The following SNTG1 variants were observed in gnomAD, a reference collection of about 807,000 sequenced individuals.
SNTG1 encodes syntrophin gamma 1.
A neutral mutation model predicts 74.7 loss-of-function variants in SNTG1; 39 were observed. The ratio of observed to expected loss-of-function variants is 0.52; its 90% CI spans 0.40 to 0.68. The LOEUF (loss-of-function observed/expected upper bound fraction) is 0.68, where lower values mean the gene tolerates loss of function less well. SNTG1 is among the 30% of genes least tolerant of loss of function. The probability of loss-of-function intolerance (pLI) is 0.00; values close to 1 mark genes in which losing one functional copy is unlikely to be tolerated. For synonymous variants in SNTG1, 254 were observed against 217.1 expected, an observed-to-expected ratio of 1.17 and a Z score of -1.49; for missense variants, 685 against 609.5, an observed-to-expected ratio of 1.12 and a Z score of -1.30.
intron 18 of SNTG1, among the ~76,000 whole-genome samples, chr8:50,763,636 A>T (rs570754250): frequency 3.6e-5 from 5 of 139,666 alleles, no homozygotes; most frequent in African/African-American, 1.1e-4. Flanking sequence ...TTTTGGCTCA[A>T]GATTGCCTTT....
intron 15 of SNTG1, 143 bp from the exon 16 acceptor site, chr8:50,704,457 T>A (rs1332825375): frequency 1.0e-5 from 10 of 977,432 alleles, no homozygotes; most frequent in Non-Finnish European, 1.6e-5. Flanking sequence ...GGAGTTCTGG[T>A]ATAATGTCTA....
At chr8:50,060,612 G>A (rs1354336857) in intron 1 of SNTG1, among the ~76,000 whole-genome samples, 4 of 151,850 alleles carry the variant, frequency 2.6e-5, no homozygotes, top group South Asian at 2.1e-4. Context: ...GAATCAAAGC[G>A]GTGACAGCAG....
chr8:50,180,750 C>CTTTTTTTTTTT (rs60630226), intron 2 of SNTG1, among the ~76,000 whole-genome samples: 1 of 80,648 alleles, frequency 1.2e-5, no homozygotes, highest in African/African-American at 6.4e-5. Context: ...ATTGTGAAGC[C>CTTTTTTTTTTT]TTTTTTTTTT....
chr8:49,937,255 A>G (rs1808171263), intron 1 of SNTG1, among the ~76,000 whole-genome samples: 1 of 152,172 alleles, frequency 6.6e-6, no homozygotes, highest in African/African-American at 2.4e-5. Flanking sequence ...ATTACATAAA[A>G]TTCTAGAAAA....
intron 2 of SNTG1, among the ~76,000 whole-genome samples, chr8:50,184,481 A>G (rs1489025495): frequency 1.3e-5 from 2 of 152,280 alleles, no homozygotes; most frequent in East Asian, 3.9e-4. Flanking sequence ...TAAAATTAAA[A>G]ATAAAATTCC....
At chr8:50,755,785 A>C (rs2095578851) in intron 18 of SNTG1, among the ~76,000 whole-genome samples, 1 of 151,836 alleles carries the variant, frequency 6.6e-6, no homozygotes, top group African/African-American at 2.4e-5. Context: ...CATGTTCTGG[A>C]TTTGGACCAT....
chr8:50,208,013 A>T (rs2084328759), intron 2 of SNTG1, among the ~76,000 whole-genome samples: 2 of 152,218 alleles, frequency 1.3e-5, no homozygotes, highest in South Asian at 4.1e-4. Flanking sequence ...AAATAAGTGA[A>T]ATATGGTGTT....
chr8:50,510,584 A>T (rs1273885151), intron 9 of SNTG1, among the ~76,000 whole-genome samples: 1 of 152,162 alleles, frequency 6.6e-6, no homozygotes, highest in Admixed American at 6.6e-5. Context: ...TTATTGCCAC[A>T]ATTTCAGAGC....
At chr8:50,048,708 T>A (rs554170460) in intron 1 of SNTG1, among the ~76,000 whole-genome samples, 4 of 152,294 alleles carry the variant, frequency 2.6e-5, no homozygotes, top group Non-Finnish European at 5.9e-5. Flanking sequence ...TACTAATTAG[T>A]AAATTATGGC....
At chr8:50,676,270 G>A (rs1240302160) in intron 15 of SNTG1, among the ~76,000 whole-genome samples, 1 of 151,360 alleles carries the variant, frequency 6.6e-6, no homozygotes, top group Non-Finnish European at 1.5e-5. Flanking sequence ...AGGTACTCCA[G>A]GTTTGGACTT....
intron 1 of SNTG1, among the ~76,000 whole-genome samples, chr8:49,976,999 G>T (rs1812254243): frequency 6.6e-6 from 1 of 151,942 alleles, no homozygotes; most frequent in Admixed American, 6.6e-5. Context: ...GTGCTTGTGA[G>T]AAAAAAATGG....
chr8:50,746,066 A>C (rs2131679552), intron 17 of SNTG1, among the ~76,000 whole-genome samples: 1 of 152,082 alleles, frequency 6.6e-6, no homozygotes, highest in East Asian at 1.9e-4. Context: ...GAAAATGTGA[A>C]TGTTCTTTTT....
rs58997754 is a variant in SNTG1 at position 50,070,123 on chromosome 8, A to G, written c.-102-102438A>G. Among the ~76,000 whole-genome samples, 1,274 of 152,314 alleles carry G rather than the reference A, an allele frequency of 8.4e-3. 26 individuals carry two copies. The highest frequency in any genetic ancestry group is 0.029 in the African/African-American group (1,203 of 41,558). On this transcript the variant is annotated intron_variant, in intron 1 of 18. Transcript: ENST00000642720. Reference sequence around the variant, plus strand: ...AAAAATATAATCATTACAATAGTTAATAAGGTATTTTAATGCAAATCAATC... The same window carrying G: ...AAAAATATAATCATTACAATAGTTAGTAAGGTATTTTAATGCAAATCAATC...
At chr8:50,067,504 T>C (rs1408566754) in intron 1 of SNTG1, among the ~76,000 whole-genome samples, 2 of 152,224 alleles carry the variant, frequency 1.3e-5, no homozygotes, top group African/African-American at 4.8e-5. Context: ...AGTGTGAAAT[T>C]AATCGGTTTC....
chr8:50,686,083 G>A (rs576938340), intron 15 of SNTG1, among the ~76,000 whole-genome samples: 18 of 152,184 alleles, frequency 1.2e-4, no homozygotes, highest in Non-Finnish European at 2.2e-4. Flanking sequence ...GTCACATTAT[G>A]AGATATTAGA....
rs147310856 is a variant in SNTG1, at chr8:50,566,576, T to C, written c.810+13397T>C. Among the ~76,000 whole-genome samples, 210 of 151,954 alleles carry C rather than the reference T, an allele frequency of 1.4e-3. 1 individual carries two copies. Among genetic ancestry groups the C allele is most frequent in the African/African-American group, 4.7e-3 (195 of 41,506 alleles). On this transcript the variant is annotated intron_variant, in intron 12 of 18. Coordinates refer to ENST00000642720, the MANE Select transcript of SNTG1 (RefSeq NM_018967.5). Reference sequence around the variant, plus strand: ...ATTTAGGCAGCATAAAAGACAGAGGTCTGTATGACTGAGTTGGGAAGCATT... The same window carrying C: ...ATTTAGGCAGCATAAAAGACAGAGGCCTGTATGACTGAGTTGGGAAGCATT...
intron 4 of SNTG1, among the ~76,000 whole-genome samples, chr8:50,423,358 AC>A (rs1462950990): frequency 6.6e-6 from 1 of 152,238 alleles, no homozygotes; most frequent in Non-Finnish European, 1.5e-5. Flanking sequence ...ATTGCAAAAA[AC>A]AATCATAAAA....
chr8:50,642,591 C>G (rs558179697), intron 13 of SNTG1, among the ~76,000 whole-genome samples: 1 of 152,224 alleles, frequency 6.6e-6, no homozygotes, highest in South Asian at 2.1e-4. Context: ...GTATTTCAGC[C>G]CTATCCTTGC....
chr8:50,773,978 G>A (rs1424618232), intron 18 of SNTG1, among the ~76,000 whole-genome samples: 2 of 151,940 alleles, frequency 1.3e-5, no homozygotes, highest in Non-Finnish European at 2.9e-5. Flanking sequence ...ATTCTGAGAT[G>A]AACTGAACAA....
Sources: allele counts gnomAD v4.1 joint callset (sites outside exome capture counted in the v4.1 genomes callset), GRCh38; gene constraint gnomAD v4.1.1; transcripts MANE v1.5; gene names NCBI Gene and HGNC (gene_info 2026-07-23, HGNC 2026-07-21).